Variants in KIAA1217 observed in about 807,000 individuals in gnomAD.
The protein encoded by KIAA1217 is sickle tail protein homolog.
KIAA1217 carries 88 observed loss-of-function variants against 163.9 expected under a neutral mutation model. The ratio of observed to expected loss-of-function variants is 0.54; its 90% confidence interval spans 0.45 to 0.64. The LOEUF is 0.64. Among genes scored for constraint, KIAA1217 ranks in the 30% least tolerant of loss-of-function variants. The pLI, the probability that KIAA1217 is intolerant of heterozygous loss-of-function variation, is 0.00. For missense variants in KIAA1217, 2,372 were observed against 2,475.0 expected (o/e 0.96, Z 0.88); for synonymous variants, 903 against 923.1 (o/e 0.98, Z 0.39).
At chr10:24,491,055 C>G (rs1349254382) in intron 6 of KIAA1217, among the ~76,000 whole-genome samples, 1 of 152,136 alleles carries the variant, frequency 6.6e-6, no homozygotes, top group Non-Finnish European at 1.5e-5. Context: ...GGAGTTGTCT[C>G]TCTCTGCACC....
At chr10:24,342,093 G>A (rs1275653506) in intron 2 of KIAA1217, among the ~76,000 whole-genome samples, 3 of 152,218 alleles carry the variant, frequency 2.0e-5, no homozygotes, top group African/African-American at 7.2e-5. Flanking sequence ...TAGAAGTACA[G>A]TACACTGTAC....
At chr10:23,878,772 C>A in intron 1 of KIAA1217, among the ~76,000 whole-genome samples, 1 of 151,806 alleles carries the variant, frequency 6.6e-6, no homozygotes, top group Non-Finnish European at 1.5e-5. Flanking sequence ...GTAGGACAGT[C>A]TTAGCAGAGG....
intron 2 of KIAA1217, among the ~76,000 whole-genome samples, chr10:24,319,754 T>C (rs935909200): frequency 2.0e-5 from 3 of 152,276 alleles, no homozygotes; most frequent in African/African-American, 7.2e-5. Flanking sequence ...TGAAAGGAGC[T>C]TTTCACTGGT....
chr10:23,836,839 G>A (rs898204945), intron 1 of KIAA1217, among the ~76,000 whole-genome samples: 1 of 150,824 alleles, frequency 6.6e-6, no homozygotes, highest in African/African-American at 2.4e-5. Flanking sequence ...CTGAGGTGAG[G>A]AGGATTGCTT....
intron 2 of KIAA1217, among the ~76,000 whole-genome samples, chr10:24,230,544 C>T (rs1223170450): frequency 4.9e-5 from 5 of 102,682 alleles, no homozygotes; most frequent in African/African-American, 1.9e-4. Flanking sequence ...CTCACTCTTT[C>T]ATCCAGGCTG....
At chr10:24,001,680 A>G (rs565688206) in intron 1 of KIAA1217, among the ~76,000 whole-genome samples, 49 of 152,334 alleles carry the variant, frequency 3.2e-4, no homozygotes, top group African/African-American at 1.1e-3. Context: ...GGAAGATTCA[A>G]AAGAATAGTA....
intron 2 of KIAA1217, among the ~76,000 whole-genome samples, chr10:24,194,341 A>ACCCCACCACTCCCCTC (rs2066882297): frequency 8.8e-5 from 1 of 11,406 alleles, no homozygotes; most frequent in African/African-American, 3.8e-4. Flanking sequence ...CCCCTACCCC[A>ACCCCACCACTCCCCTC]CCCCACCACT....
chr10:24,178,167 G>A (rs1055768975), intron 2 of KIAA1217, among the ~76,000 whole-genome samples: 1 of 152,202 alleles, frequency 6.6e-6, no homozygotes, highest in Non-Finnish European at 1.5e-5. Context: ...ATGTACCACA[G>A]TGAATGTTTA....
intron 1 of KIAA1217, among the ~76,000 whole-genome samples, chr10:23,798,990 C>A (rs1024212033): frequency 6.6e-6 from 1 of 152,168 alleles, no homozygotes; most frequent in African/African-American, 2.4e-5. Context: ...TCAGCAGGGC[C>A]GGTTCCCTCT....
chr10:24,120,082 C>T (rs1206048870), intron 2 of KIAA1217, among the ~76,000 whole-genome samples: 1 of 152,186 alleles, frequency 6.6e-6, no homozygotes, highest in African/African-American at 2.4e-5. Context: ...GTTGCCATAG[C>T]CAAGTGCTCC....
chr10:24,520,651 A>AATATATATATATATATATATATAT (rs71472811), intron 11 of KIAA1217, among the ~76,000 whole-genome samples: 2 of 39,658 alleles, frequency 5.0e-5, no homozygotes, highest in African/African-American at 1.8e-4. Flanking sequence ...AAAAAAAAAA[A>AATATATATATATATATATATATAT]ATATATATAT....
intron 1 of KIAA1217, among the ~76,000 whole-genome samples, chr10:23,997,705 G>A (rs893165899): frequency 2.6e-5 from 4 of 152,134 alleles, no homozygotes; most frequent in Non-Finnish European, 2.9e-5. Flanking sequence ...TCACTGTCTG[G>A]CAGCATTTTG....
intron 2 of KIAA1217, among the ~76,000 whole-genome samples, chr10:24,107,946 A>G (rs575614377): frequency 1.3e-5 from 2 of 152,206 alleles, no homozygotes; most frequent in Admixed American, 6.5e-5. Context: ...TAATGGTTTG[A>G]TCACATTACT....
chr10:24,286,473 T>C (rs372185307), intron 2 of KIAA1217, among the ~76,000 whole-genome samples: 68 of 149,770 alleles, frequency 4.5e-4, no homozygotes, highest in African/African-American at 1.6e-3. Flanking sequence ...CACACACACA[T>C]ACACATACAC....
At chr10:24,410,200 T>A (rs1193379970) in intron 3 of KIAA1217, among the ~76,000 whole-genome samples, 4 of 152,054 alleles carry the variant, frequency 2.6e-5, no homozygotes, top group African/African-American at 9.7e-5. Flanking sequence ...TTCACCATGT[T>A]GGCCAGGCTG....
intron 1 of KIAA1217, among the ~76,000 whole-genome samples, chr10:23,821,100 TGTGC>T (rs748398075): frequency 2.3e-5 from 3 of 131,096 alleles, no homozygotes; most frequent in Non-Finnish European, 4.7e-5. Context: ...CAGCTGTGTG[TGTGC>T]GTGTGTGTGT....
rs111396714 is a variant in KIAA1217 at position 23,838,949 on chromosome 10, T to C, written c.-321+143715T>C. On this transcript the variant is annotated intron_variant, in intron 1 of 18. Transcript: ENST00000376462. The stretch of plus-strand genomic sequence containing the variant: ...TGCAGGGCTACCAATTATACATAAA[T>C]ACAGGATTTTTTCCCTTTCATATTT... Among the ~76,000 whole-genome samples, 733 of 152,324 alleles carry C rather than the reference T, an allele frequency of 4.8e-3. 10 individuals are homozygous for C. Among genetic ancestry groups the C allele is most frequent in the African/African-American group, 0.016 (663 of 41,590 alleles).
intron 2 of KIAA1217, among the ~76,000 whole-genome samples, chr10:24,075,607 T>A (rs1318505217): frequency 2.0e-5 from 2 of 100,424 alleles, no homozygotes; most frequent in Non-Finnish European, 3.5e-5. Context: ...GCATTTTATC[T>A]TTTTTTTTTT....
intron 2 of KIAA1217, among the ~76,000 whole-genome samples, chr10:24,289,532 G>A (rs1255365548): frequency 6.6e-6 from 1 of 152,170 alleles, no homozygotes; most frequent in East Asian, 1.9e-4. Flanking sequence ...GGAGGAGGAG[G>A]AGGAGGAGGA....
Sources: gnomAD v4.1 joint callset for allele counts (sites outside exome capture counted in the v4.1 genomes callset) on GRCh38, gnomAD v4.1.1 for gene constraint, MANE v1.5 for transcripts, NCBI Gene and HGNC (gene_info 2026-07-23, HGNC 2026-07-21) for gene names.